SLC30A9: variants seen among roughly 807,000 people sequenced by gnomAD.
SLC30A9 encodes the protein solute carrier family 30 member 9.
SLC30A9 carries 58 observed loss-of-function variants against 87.5 expected under a neutral mutation model. The observed-to-expected ratio is 0.66, with a 90% CI of 0.54 to 0.82. The LOEUF (loss-of-function observed/expected upper bound fraction) is 0.82, where lower values mean the gene tolerates loss of function less well. Ranked by LOEUF, SLC30A9 falls within the 40% of genes least tolerant of loss-of-function variation. SLC30A9 has a pLI of 0.00. For synonymous variants in SLC30A9, 234 were observed against 233.0 expected (o/e 1.00, Z -0.04); for missense variants, 557 against 679.1 (o/e 0.82, Z 2.00).
At chr4:42,020,607 A>G (rs759417187) in intron 4 of SLC30A9, 92 bp downstream of exon 4, 11 of 627,800 alleles carry the variant, frequency 1.8e-5, no homozygotes, top group Non-Finnish European at 2.6e-5. Flanking sequence ...TACCATCCAT[A>G]TATGGAAAAT....
At chr4:42,047,782 A>G (rs1467430657) in intron 8 of SLC30A9, among the ~76,000 whole-genome samples, 1 of 152,240 alleles carries the variant, frequency 6.6e-6, no homozygotes, top group Non-Finnish European at 1.5e-5. Flanking sequence ...ATGCACGTGT[A>G]TGTTTTTTGT....
intron 11 of SLC30A9, 23 bp downstream of exon 11, chr4:42,063,144 AG>A: frequency 6.2e-7 from 1 of 1,609,338 alleles, no homozygotes; most frequent in Non-Finnish European, 8.5e-7. Flanking sequence ...TTTTCTCCTC[AG>A]TTTTGATGTC....
intron 9 of SLC30A9, among the ~76,000 whole-genome samples, chr4:42,054,106 G>T (rs1717502055): frequency 6.6e-6 from 1 of 152,162 alleles, no homozygotes; most frequent in South Asian, 2.1e-4. Flanking sequence ...TGTAATTCCA[G>T]CACATTGGGA....
chr4:42,018,985 C>CAAAAAA (rs33970836), intron 3 of SLC30A9, among the ~76,000 whole-genome samples: 1 of 149,560 alleles, frequency 6.7e-6, no homozygotes. Flanking sequence ...GAAACTCACG[C>CAAAAAA]AAAAAAAAAA....
rs1048710326 is a variant in SLC30A9 at position 42,087,697 on chromosome 4, A to G, written c.*1571A>G. 2 of 150,926 alleles carry G rather than the reference A, an allele frequency of 1.3e-5. No individual in the cohort carries two copies. Among genetic ancestry groups the G allele is most frequent in the South Asian group, 2.1e-4 (1 of 4,808 alleles). The allele number at this position is 150,926 out of a possible 1,614,324, so 9.3% of individuals were successfully genotyped here. A position where few individuals can be genotyped will look rare whatever the true frequency, so the allele number is the denominator to read the frequency against. Reference sequence around the variant, plus strand: ...TAAGATAGAAAATTGTTATATATATATATAATTTGATACTCTATTCTTACA... The same window carrying G: ...TAAGATAGAAAATTGTTATATATATGTATAATTTGATACTCTATTCTTACA... On this transcript the variant is annotated 3_prime_UTR_variant, in exon 18 of 18. Coordinates refer to ENST00000264451, the MANE Select transcript of SLC30A9 (RefSeq NM_006345.4).
chr4:42,004,721 G>A (rs1439249383), intron 2 of SLC30A9, among the ~76,000 whole-genome samples: 1 of 144,548 alleles, frequency 6.9e-6, no homozygotes, highest in Non-Finnish European at 1.5e-5. Flanking sequence ...ATGCAGTGGT[G>A]TGATCATGGT....
intron 13 of SLC30A9, among the ~76,000 whole-genome samples, 190 bp downstream of exon 13, chr4:42,066,811 T>C (rs1296785226): frequency 6.6e-6 from 1 of 152,210 alleles, no homozygotes; most frequent in Non-Finnish European, 1.5e-5. Context: ...ATGGATACTT[T>C]ATATTTGGAT....
At chr4:42,030,015 A>G (rs983205609) in intron 6 of SLC30A9, 10 of 877,758 alleles carry the variant, frequency 1.1e-5, no homozygotes, top group Middle Eastern at 4.8e-4. Context: ...CAACCTTACC[A>G]TGGACACTGA....
chr4:42,038,628 C>T (rs996485617), intron 7 of SLC30A9, among the ~76,000 whole-genome samples: 1 of 152,172 alleles, frequency 6.6e-6, no homozygotes, highest in African/African-American at 2.4e-5. Flanking sequence ...GCTCTGAAGG[C>T]AGGTCAATAC....
At chr4:42,006,769 GA>G (rs1012564590) in intron 2 of SLC30A9, among the ~76,000 whole-genome samples, 2 of 151,726 alleles carry the variant, frequency 1.3e-5, no homozygotes, top group Non-Finnish European at 2.9e-5. Context: ...GTGAGTAGAG[GA>G]TTTGGCGGTG....
chr4:42,010,828 A>G (rs1715408429), intron 2 of SLC30A9, among the ~76,000 whole-genome samples: 1 of 152,210 alleles, frequency 6.6e-6, no homozygotes, highest in Admixed American at 6.5e-5. Flanking sequence ...GACATGTTAT[A>G]TCAAAGAAAT....
chr4:42,008,899 G>A (rs546767753), intron 2 of SLC30A9, among the ~76,000 whole-genome samples: 21 of 152,298 alleles, frequency 1.4e-4, no homozygotes, highest in Non-Finnish European at 2.6e-4. Context: ...TGTGGTGATG[G>A]AGAACTGCTG....
At chr4:42,062,886 T>A (rs1717920368) in intron 10 of SLC30A9, 100 bp from the exon 11 acceptor site, 4 of 968,568 alleles carry the variant, frequency 4.1e-6, no homozygotes, top group Non-Finnish European at 4.5e-6. Context: ...AATTATAACA[T>A]CTTGATATTG....
chr4:42,014,999 A>G (rs1407517474), intron 2 of SLC30A9, among the ~76,000 whole-genome samples: 1 of 152,230 alleles, frequency 6.6e-6, no homozygotes, highest in African/African-American at 2.4e-5. Flanking sequence ...ATAGCACAAC[A>G]GGGTGACTAC....
intron 10 of SLC30A9, among the ~76,000 whole-genome samples, chr4:42,062,747 T>C (rs896417570): frequency 1.3e-5 from 2 of 152,178 alleles, no homozygotes; most frequent in East Asian, 1.9e-4. Context: ...AATAGGCTAT[T>C]TGGAAAAGAG....
chr4:42,075,023 ATATATATATAT>A (rs1319715445), intron 15 of SLC30A9, among the ~76,000 whole-genome samples: 1 of 2,024 alleles, frequency 4.9e-4, no homozygotes, highest in Non-Finnish European at 9.9e-4. Flanking sequence ...GTTAATGAAT[ATATATATATAT>A]ATATATATAT....
At chr4:42,024,808 A>G (rs1716117823) in intron 6 of SLC30A9, among the ~76,000 whole-genome samples, 1 of 152,148 alleles carries the variant, frequency 6.6e-6, no homozygotes, top group Admixed American at 6.5e-5. Flanking sequence ...TCTGACTACT[A>G]CTGAGGTTAT....
chr4:42,073,841 TA>T (rs1718414847), intron 15 of SLC30A9, among the ~76,000 whole-genome samples: 2 of 152,348 alleles, frequency 1.3e-5, no homozygotes, highest in East Asian at 3.9e-4. Flanking sequence ...TTGGTAGTTA[TA>T]GCCCACATTC....
chr4:42,075,772 G>T lies in SLC30A9; in HGVS notation c.1534G>T (p.Asp512Tyr). ...TRSYLEKQDFDQMLQEIQEVK... is the reference protein window; with the variant it reads ...TRSYLEKQDFYQMLQEIQEVK... ...ATCATATTTGGAAAAACAAGATTTT[G>T]ACCAAATGTTACAAGTAAGTTTATT... The change falls in exon 16 of 18, where the codon GAC becomes TAC. Residue 512 changes from aspartate (D) to tyrosine (Y), a missense_variant. Asp to Tyr is a radical substitution (Grantham distance 160). Transcript: ENST00000264451. The T allele has an allele frequency of 1.2e-6, 2 of 1,610,322 alleles. No homozygotes were observed. The highest frequency in any genetic ancestry group is 2.2e-5 in the South Asian group (2 of 90,756).
Sources: allele counts gnomAD v4.1 joint callset (sites outside exome capture counted in the v4.1 genomes callset), GRCh38; gene constraint gnomAD v4.1.1; transcripts MANE v1.5; gene names NCBI Gene and HGNC (gene_info 2026-07-23, HGNC 2026-07-21).